Variants in BUB1B observed in about 807,000 individuals in gnomAD.
BUB1B encodes mitotic checkpoint serine/threonine-protein kinase BUB1 beta.
Under a neutral mutation model 137.7 loss-of-function variants are expected in BUB1B, and 86 were observed. That is an observed-to-expected ratio of 0.62 (90% CI 0.52 to 0.75). The LOEUF (loss-of-function observed/expected upper bound fraction) is 0.75, where lower values mean the gene tolerates loss of function less well. BUB1B is among the 30% of genes least tolerant of loss of function. The pLI is 0.00. For synonymous variants in BUB1B, 420 were observed against 417.9 expected, an observed-to-expected ratio of 1.00 and a Z score of -0.06; for missense variants, 1,130 against 1,236.9, an observed-to-expected ratio of 0.91 and a Z score of 1.30.
intron 14 of BUB1B, among the ~76,000 whole-genome samples, chr15:40,203,175 T>C (rs2037596047): frequency 6.6e-6 from 1 of 152,220 alleles, no homozygotes; most frequent in Non-Finnish European, 1.5e-5. Flanking sequence ...GATGAATGGA[T>C]AAACAAAATG....
At chr15:40,187,501 G>A (rs1055207230) in intron 8 of BUB1B, among the ~76,000 whole-genome samples, 9 of 151,800 alleles carry the variant, frequency 5.9e-5, no homozygotes, top group Admixed American at 4.6e-4. Context: ...TGAAGCAGGA[G>A]GATCACTTGA....
chr15:40,204,061 T>C (rs1222432261), intron 14 of BUB1B, among the ~76,000 whole-genome samples: 3 of 152,226 alleles, frequency 2.0e-5, no homozygotes, highest in Non-Finnish European at 4.4e-5. Flanking sequence ...ACAAATATTG[T>C]ACAGCTAGAT....
chr15:40,183,914 T>C (rs760817838), intron 6 of BUB1B, 31 bp downstream of exon 6: 19 of 1,607,662 alleles, frequency 1.2e-5, no homozygotes, highest in Non-Finnish European at 1.5e-5. Context: ...TTCGGAAAAC[T>C]GTTAGTTTCT....
At chr15:40,219,872 G>A (rs2037868163) in intron 22 of BUB1B, among the ~76,000 whole-genome samples, 1 of 151,858 alleles carries the variant, frequency 6.6e-6, no homozygotes, top group Non-Finnish European at 1.5e-5. Flanking sequence ...TAATTGAATT[G>A]TACTTTTCTC....
At chr15:40,191,124 G>A (rs1310534456) in intron 8 of BUB1B, among the ~76,000 whole-genome samples, 1 of 152,160 alleles carries the variant, frequency 6.6e-6, no homozygotes, top group East Asian at 1.9e-4. Flanking sequence ...TTGGGCTCAA[G>A]TGATCCACCC....
chr15:40,206,145 G>A (rs763748129), intron 14 of BUB1B, 39 bp from the exon 15 acceptor site: 21 of 1,610,438 alleles, frequency 1.3e-5, no homozygotes, highest in Non-Finnish European at 1.8e-5. Flanking sequence ...TTCATGTATT[G>A]AAATATTTTA....
intron 8 of BUB1B, among the ~76,000 whole-genome samples, chr15:40,193,020 A>AT (rs879696225): frequency 1.4e-3 from 209 of 145,136 alleles, no homozygotes; most frequent in African/African-American, 3.6e-3. Context: ...CTGGCTTATT[A>AT]TTTTTTTTTT....
intron 17 of BUB1B, 147 bp from the exon 18 acceptor site, chr15:40,209,963 A>G (rs1215426439): frequency 1.2e-5 from 11 of 955,502 alleles, no homozygotes; most frequent in African/African-American, 3.3e-5. Context: ...TCCTCTTGCA[A>G]TCTTTAACAA....
chr15:40,211,140 T>C (rs2037705605), intron 18 of BUB1B, among the ~76,000 whole-genome samples: 1 of 152,298 alleles, frequency 6.6e-6, no homozygotes, highest in South Asian at 2.1e-4. Context: ...TCTCTTTGTC[T>C]TTTTACTTTA....
chr15:40,186,742 G>A (rs192615877), intron 8 of BUB1B, among the ~76,000 whole-genome samples: 17 of 151,904 alleles, frequency 1.1e-4, no homozygotes, highest in Non-Finnish European at 2.2e-4. Context: ...ACTGCGCCCA[G>A]CCCTAGTCCT....
At chr15:40,206,811 G>GTATT (rs928083063) in intron 15 of BUB1B, among the ~76,000 whole-genome samples, 5 of 152,114 alleles carry the variant, frequency 3.3e-5, no homozygotes, top group African/African-American at 1.2e-4. Flanking sequence ...TTAATTTTAT[G>GTATT]TATTTATTTA....
Position 40,170,560 on chromosome 15 carries a change from A to G in BUB1B, c.263A>G (p.Asn88Ser). 5.6e-6 allele frequency: 9 copies of G among 1,613,692 alleles called. No individual in the cohort carries two copies. The highest frequency in any genetic ancestry group is 7.6e-6 in the Non-Finnish European group (9 of 1,179,638). ...AGGTATATCAGCTGGACAGAGCAGAACTATCCTCAAGGTGGGAAGGAGAGT... is the reference window on the plus strand; with the variant it reads ...AGGTATATCAGCTGGACAGAGCAGAGCTATCCTCAAGGTGGGAAGGAGAGT... ...WDRYISWTEQ[N>S]YPQGGKESNM... The change falls in exon 4 of 23, where the codon AAC (asparagine) becomes AGC (serine). Residue 88 changes from asparagine to serine, a missense_variant. Physicochemically the swap from Asn to Ser is conservative, Grantham distance 46 (BLOSUM62 1). Coordinates refer to ENST00000287598, the MANE Select transcript of BUB1B (RefSeq NM_001211.6).
At chr15:40,206,880 G>A (rs576476565) in intron 15 of BUB1B, among the ~76,000 whole-genome samples, 3 of 152,266 alleles carry the variant, frequency 2.0e-5, no homozygotes, top group East Asian at 1.9e-4. Flanking sequence ...CACTATCTTA[G>A]CTCACTGAAA....
chr15:40,163,448 A>G (rs1020547539), intron 1 of BUB1B, among the ~76,000 whole-genome samples: 3 of 152,162 alleles, frequency 2.0e-5, no homozygotes, highest in Non-Finnish European at 2.9e-5. Flanking sequence ...TAATCATATA[A>G]ATGCATGACA....
intron 14 of BUB1B, among the ~76,000 whole-genome samples, chr15:40,203,021 C>T (rs190661675): frequency 1.3e-5 from 2 of 152,286 alleles, no homozygotes; most frequent in Non-Finnish European, 2.9e-5. Flanking sequence ...ATGTTAAACA[C>T]AGTTACCATA....
chr15:40,190,082 T>C (rs1471729653), intron 8 of BUB1B, among the ~76,000 whole-genome samples: 1 of 152,226 alleles, frequency 6.6e-6, no homozygotes, highest in Non-Finnish European at 1.5e-5. Context: ...CTGTAGGGGA[T>C]ACGTTCCAAG....
chr15:40,184,946 G>A (rs1271816769), intron 6 of BUB1B, among the ~76,000 whole-genome samples: 1 of 152,114 alleles, frequency 6.6e-6, no homozygotes, highest in East Asian at 1.9e-4. Context: ...GGTGACTGGA[G>A]GAGGGAAAAG....
intron 8 of BUB1B, among the ~76,000 whole-genome samples, chr15:40,191,585 C>T (rs2037438590): frequency 6.6e-6 from 1 of 152,156 alleles, no homozygotes; most frequent in African/African-American, 2.4e-5. Flanking sequence ...ACATTTTCTT[C>T]TAGGAGTTTT....
At position 40,161,338 on chromosome 15, in the gene BUB1B, C is replaced by T. The variant is rs975033399; in HGVS notation, c.35+83C>T. 4.7e-6 allele frequency: 7 copies of T among 1,489,472 alleles called. No individual in the cohort carries two copies. The African/African-American group carries it at 9.8e-5, about 21-fold the overall frequency. 92.3% of individuals were successfully genotyped at this position (1,489,472 alleles called of 1,614,324 possible). A position where few individuals can be genotyped will look rare whatever the true frequency, so the allele number is the denominator to read the frequency against. ...AATAGAAGGCTCCGCTCGGAGCAGT[C>T]GAGGGGGAGATCGGCACCGTCAGAA... On this transcript the variant is annotated intron_variant, in intron 1 of 22. Coordinates refer to ENST00000287598, the MANE Select transcript of BUB1B (RefSeq NM_001211.6).
Sources: gnomAD v4.1 joint callset for allele counts (sites outside exome capture counted in the v4.1 genomes callset) on GRCh38, gnomAD v4.1.1 for gene constraint, MANE v1.5 for transcripts, NCBI Gene and HGNC (gene_info 2026-07-23, HGNC 2026-07-21) for gene names.